The following PPARGC1A variants were observed in gnomAD, a reference collection of about 807,000 sequenced individuals.
PPARGC1A encodes peroxisome proliferator-activated receptor gamma coactivator 1-alpha.
A neutral mutation model predicts 88.7 loss-of-function variants in PPARGC1A; 25 were observed. That is an observed-to-expected ratio of 0.28 (90% CI 0.21 to 0.39). The LOEUF (loss-of-function observed/expected upper bound fraction) is 0.39, where lower values mean the gene tolerates loss of function less well. Among genes scored for constraint, PPARGC1A ranks in the 10% least tolerant of loss-of-function variants. The pLI, the probability that PPARGC1A is intolerant of heterozygous loss-of-function variation, is 1.00. For synonymous variants in PPARGC1A, 363 were observed against 355.6 expected, an observed-to-expected ratio of 1.02 and a Z score of -0.24; for missense variants, 880 against 968.7, an observed-to-expected ratio of 0.91 and a Z score of 1.22.
intron 7 of PPARGC1A, among the ~76,000 whole-genome samples, chr4:23,822,509 CT>C (rs2109576560): frequency 6.6e-6 from 1 of 152,174 alleles, no homozygotes; most frequent in South Asian, 2.1e-4. Flanking sequence ...CAATCAATGT[CT>C]TTAAACTTGA....
the PPARGC1A span, among the ~76,000 whole-genome samples, chr4:24,240,555 T>G: frequency 1.3e-5 from 2 of 152,212 alleles, no homozygotes; most frequent in Non-Finnish European, 2.9e-5. Context: ...TTCACGCTGT[T>G]AATTAAAATA....
the PPARGC1A span, among the ~76,000 whole-genome samples, chr4:24,087,748 T>C: frequency 6.6e-6 from 1 of 152,204 alleles, no homozygotes; most frequent in South Asian, 2.1e-4. Flanking sequence ...GACAGGGGCA[T>C]TAACTGTGCT....
the PPARGC1A span, among the ~76,000 whole-genome samples, chr4:24,188,110 T>C: frequency 6.6e-6 from 1 of 152,186 alleles, no homozygotes; most frequent in African/African-American, 2.4e-5. Context: ...TGTAAGGCAA[T>C]GGCATAATAT....
the PPARGC1A span, among the ~76,000 whole-genome samples, chr4:24,066,394 G>T: frequency 1.3e-5 from 2 of 152,256 alleles, no homozygotes. Context: ...CTGAAAGAGA[G>T]TTTTAAAGGT....
the PPARGC1A span, among the ~76,000 whole-genome samples, chr4:24,387,844 G>A: frequency 7.4e-6 from 1 of 135,096 alleles, no homozygotes; most frequent in Non-Finnish European, 1.6e-5. Context: ...GAGAAAGAGA[G>A]AGAGAAAGAG....
chr4:23,987,059 C>T, the PPARGC1A span, among the ~76,000 whole-genome samples: 38 of 152,068 alleles, frequency 2.5e-4, no homozygotes, highest in African/African-American at 8.9e-4. Flanking sequence ...TTATAAAGTC[C>T]CATAACACCT....
chr4:24,193,842 A>G, the PPARGC1A span, among the ~76,000 whole-genome samples: 2 of 152,084 alleles, frequency 1.3e-5, no homozygotes, highest in East Asian at 1.9e-4. Flanking sequence ...AGAGTACACC[A>G]ATGGGGCCAG....
At chr4:23,840,143 C>G (rs895982873) in intron 2 of PPARGC1A, among the ~76,000 whole-genome samples, 2 of 152,002 alleles carry the variant, frequency 1.3e-5, no homozygotes, top group Non-Finnish European at 2.9e-5. Context: ...GTCTCTAAGA[C>G]TAAAAGCTAA....
At chr4:24,160,522 A>G in the PPARGC1A span, among the ~76,000 whole-genome samples, 1 of 152,224 alleles carries the variant, frequency 6.6e-6, no homozygotes. Flanking sequence ...AGACTGCTGC[A>G]TGCCTGGCTC....
At chr4:23,986,489 T>A in the PPARGC1A span, among the ~76,000 whole-genome samples, 1 of 152,132 alleles carries the variant, frequency 6.6e-6, no homozygotes, top group Non-Finnish European at 1.5e-5. Flanking sequence ...CAGTCAGCAC[T>A]CTGAGACTTC....
the PPARGC1A span, among the ~76,000 whole-genome samples, chr4:24,202,237 T>C: frequency 6.6e-6 from 1 of 152,204 alleles, no homozygotes; most frequent in Non-Finnish European, 1.5e-5. Flanking sequence ...CTAGTTTCAC[T>C]GCAATTTTTA....
Position 23,889,923 on chromosome 4 carries a change from G to C in PPARGC1A, c.35C>G (p.Ser12Cys). ...GCTCACCTCGATGTCACTCCATACA[G>C]ACTCAGAGTCCTGGTTGCACATGTC... ...AWDMCNQDSE[S>C]VWSDIECAAL... Residue 12 changes from serine to cysteine, a missense_variant, in exon 1 of 13, where the codon TCT becomes TGT. Transcript: ENST00000264867. The C allele has an allele frequency of 6.2e-7, 1 of 1,613,786 alleles. No individual in the cohort carries two copies. Among genetic ancestry groups the C allele is most frequent in the Non-Finnish European group, 8.5e-7 (1 of 1,179,798 alleles).
chr4:24,350,451 C>T, the PPARGC1A span, among the ~76,000 whole-genome samples: 35 of 152,296 alleles, frequency 2.3e-4, no homozygotes, highest in East Asian at 6.8e-3. Context: ...AGGATACATA[C>T]ACCTGGGATA....
At chr4:24,140,834 C>T in the PPARGC1A span, among the ~76,000 whole-genome samples, 3 of 152,134 alleles carry the variant, frequency 2.0e-5, no homozygotes, top group South Asian at 2.1e-4. Flanking sequence ...GACACTTGCC[C>T]TTTCAGACTA....
chr4:23,820,588 T>G (rs577755887), intron 7 of PPARGC1A: 9 of 427,700 alleles, frequency 2.1e-5, no homozygotes, highest in Admixed American at 2.0e-4. Flanking sequence ...TTCTCTTTTC[T>G]CTCATCTTGC....
chr4:24,428,515 G>A, the PPARGC1A span, among the ~76,000 whole-genome samples: 3 of 152,268 alleles, frequency 2.0e-5, no homozygotes, highest in South Asian at 6.2e-4. Context: ...ACTCTACACA[G>A]AGCAAAACAA....
the PPARGC1A span, among the ~76,000 whole-genome samples, chr4:24,212,898 C>T: frequency 6.6e-6 from 1 of 152,290 alleles, no homozygotes; most frequent in East Asian, 1.9e-4. Flanking sequence ...TACCTAAGAG[C>T]GTGGTCATTT....
chr4:24,236,703 A>T, the PPARGC1A span, among the ~76,000 whole-genome samples: 1 of 152,286 alleles, frequency 6.6e-6, no homozygotes, highest in African/African-American at 2.4e-5. Context: ...CCCATCTGCA[A>T]ACACACAGTG....
At chr4:24,232,560 T>C in the PPARGC1A span, among the ~76,000 whole-genome samples, 1 of 152,218 alleles carries the variant, frequency 6.6e-6, no homozygotes, top group African/African-American at 2.4e-5. Context: ...ATAAATGGCA[T>C]CTAAAAATTC....
Sources: gnomAD v4.1 joint callset for allele counts (sites outside exome capture counted in the v4.1 genomes callset) on GRCh38, gnomAD v4.1.1 for gene constraint, MANE v1.5 for transcripts, NCBI Gene and HGNC (gene_info 2026-07-23, HGNC 2026-07-21) for gene names.